The following C1RL variants were observed in gnomAD, a reference collection of about 807,000 sequenced individuals.
C1RL encodes the protein complement C1r subcomponent-like protein.
A neutral mutation model predicts 27.9 loss-of-function variants in C1RL; 27 were observed. The observed-to-expected ratio is 0.97, with a 90% confidence interval of 0.71 to 1.33. The LOEUF (loss-of-function observed/expected upper bound fraction) is 1.33. Ranked by LOEUF, C1RL falls within the 40% of genes most tolerant of loss-of-function variation. C1RL has a pLI of 0.00. For synonymous variants in C1RL, 248 were observed against 252.1 expected (o/e 0.98, Z 0.15); for missense variants, 563 against 623.9 (o/e 0.90, Z 1.04).
At chr12:7,101,279 C>T (rs1192546409) in intron 3 of C1RL, among the ~76,000 whole-genome samples, 2 of 148,530 alleles carry the variant, frequency 1.3e-5, no homozygotes, top group Non-Finnish European at 3.0e-5. Context: ...TCCTCTCTTC[C>T]TCTCTTTCTC....
At chr12:7,100,113 C>A (rs1938574784) in intron 3 of C1RL, 87 bp from the exon 4 acceptor site, 2 of 1,306,090 alleles carry the variant, frequency 1.5e-6, no homozygotes, top group Non-Finnish European at 2.1e-6. Flanking sequence ...GTTTGACTTG[C>A]ACAGTGTTTT....
chr12:7,097,195 A>G (rs755667513), intron 5 of C1RL, 32 bp from the exon 6 acceptor site: 1 of 1,561,856 alleles, frequency 6.4e-7, no homozygotes, highest in Admixed American at 1.8e-5. Context: ...GGTGACAGTC[A>G]GCAGCTGCAT....
chr12:7,105,052 G>T (rs931247783), intron 2 of C1RL, among the ~76,000 whole-genome samples: 1 of 152,138 alleles, frequency 6.6e-6, no homozygotes. Context: ...TTCTCAGCTT[G>T]TTGACCAGAA....
chr12:7,097,225 A>G, intron 5 of C1RL, 62 bp from the exon 6 acceptor site: 1 of 1,456,606 alleles, frequency 6.9e-7, no homozygotes, highest in Non-Finnish European at 9.2e-7. Flanking sequence ...CTGATTAAAG[A>G]CCTGCTTCTC....
rs759736325 is a variant in C1RL, at chr12:7,096,861, C to T, written c.994G>A (p.Glu332Lys). Reference sequence around the variant, plus strand: ...ATGTCCCCGCTAAAGTTATGGGACTCATTCTGACGGTAGTCGGGGTGCACA... The same window carrying T: ...ATGTCCCCGCTAAAGTTATGGGACTTATTCTGACGGTAGTCGGGGTGCACA... ...VVVHPDYRQN[E>K]SHNFSGDIAL... The change falls in exon 6 of 6, where the codon GAG becomes AAG. Residue 332 changes from glutamate to lysine, a missense_variant. By Grantham distance (56) the Glu-to-Lys change is moderately conservative. Coordinates refer to ENST00000266542, the MANE Select transcript of C1RL (RefSeq NM_016546.4). 1.9e-6 allele frequency: 3 copies of T among 1,601,314 alleles called. No individual in the cohort carries two copies. Among genetic ancestry groups the T allele is most frequent in the Non-Finnish European group, 1.7e-6 (2 of 1,172,590 alleles).
chr12:7,109,158 C>T lies in C1RL; in HGVS notation c.23G>A (p.Gly8Glu), dbSNP rs1258353937. ...GTGAGGGCTTCTCCAGAGATATTTC[C>T]CCCACACTCTGGGTCCAGGCATCTG... The part of the protein sequence containing the change: MPGPRVW[G>E]KYLWRSPHSK... The change falls in exon 1 of 6, where the codon GGG (glycine) becomes GAG (glutamate). Residue 8 changes from glycine (G) to glutamate (E), a missense_variant. Coordinates refer to ENST00000266542, the MANE Select transcript of C1RL (RefSeq NM_016546.4). 1.2e-6 allele frequency: 2 copies of T among 1,601,968 alleles called. No individual in the cohort carries two copies. The highest frequency in any genetic ancestry group is 2.2e-5 in the East Asian group (1 of 44,698).
intron 5 of C1RL, 140 bp from the exon 6 acceptor site, chr12:7,097,303 A>C: frequency 2.8e-6 from 2 of 726,740 alleles, no homozygotes; most frequent in Non-Finnish European, 4.2e-6. Flanking sequence ...TTTTTTTGAT[A>C]TCGAGTTTCG....
rs771490370 is a variant in C1RL, at chr12:7,096,833, G to C, written c.1022C>G (p.Ala341Gly). ...GATGCTGTGCTGCAGCTCCAGGAGG[G>C]CGATGTCCCCGCTAAAGTTATGGGA... is the stretch of plus-strand genomic sequence containing the variant. ...NESHNFSGDI[A>G]LLELQHSIPL... Residue 341 changes from alanine (A) to glycine (G), a missense_variant, in exon 6 of 6, where the codon GCC becomes GGC. Ala to Gly is a moderately conservative substitution (Grantham distance 60). Transcript: ENST00000266542. 2 of 1,604,402 alleles carry C rather than the reference G, an allele frequency of 1.2e-6. No homozygotes were observed. Among genetic ancestry groups the C allele is most frequent in the Non-Finnish European group, 1.7e-6 (2 of 1,174,484 alleles).
Position 7,094,801 on chromosome 12 carries a change from A to G in C1RL, c.*1590T>C, listed in dbSNP as rs1938379727. On this transcript the variant is annotated 3_prime_UTR_variant, in exon 6 of 6. Coordinates refer to ENST00000266542, the MANE Select transcript of C1RL (RefSeq NM_016546.4). ...ACTATGTTGCTTAGGCTGGACTTCA[A>G]CTCCTGGGCTCAAGCGATCCTCTTG... 5.2e-6 allele frequency: 5 copies of G among 953,760 alleles called. No individual in the cohort carries two copies. The African/African-American group carries it at 7.1e-5, about 14-fold the overall frequency. The allele number at this position is 953,760 out of a possible 1,614,324, so 59.1% of individuals were successfully genotyped here. A position where few individuals can be genotyped will look rare whatever the true frequency, so the allele number is the denominator to read the frequency against.
Position 7,097,044 on chromosome 12 carries a change from C to A in C1RL, c.811G>T (p.Ala271Ser), listed in dbSNP as rs751505196. The A allele has an allele frequency of 3.1e-6, 5 of 1,614,126 alleles. No individual in the cohort carries two copies. The highest frequency in any genetic ancestry group is 1.1e-5 in the South Asian group (1 of 91,090). ...FTSIHGRGGGALLGDRWILTA... is the reference protein window; with the variant it reads ...FTSIHGRGGGSLLGDRWILTA... ...AGGATCCATCTGTCCCCCAGCAGGG[C>A]CCCGCCCCCACGGCCGTGGATACTG... Residue 271 changes from alanine to serine, a missense_variant, in exon 6 of 6, where the codon GCC becomes TCC. Ala to Ser is a moderately conservative substitution (Grantham distance 99). Coordinates refer to ENST00000266542, the MANE Select transcript of C1RL (RefSeq NM_016546.4).
In C1RL at chr12:7,108,441, G is replaced by A. The variant is rs1938828800; in HGVS notation, c.110C>T (p.Pro37Leu). The A allele has an allele frequency of 2.5e-6, 4 of 1,611,050 alleles. No homozygotes were observed. The highest frequency in any genetic ancestry group is 3.4e-6 in the Non-Finnish European group (4 of 1,178,258). The stretch of plus-strand genomic sequence containing the variant: ...GGCCAAGAGGACGGAGCCCCGGGTT[G>A]GGCAAGCCTGGAGGACTCCCCAGAG... ...LLLWGVLQAC[P>L]TRGSVLLAQE... Residue 37 changes from proline to leucine, a missense_variant, in exon 2 of 6, where the codon CCA becomes CTA. Transcript: ENST00000266542.
rs1257154984 is a variant in C1RL at position 7,102,076 on chromosome 12, G to A, written c.312C>T (p.Val104=). 7.5e-6 allele frequency: 12 copies of A among 1,603,512 alleles called. No homozygotes were observed. Among genetic ancestry groups the A allele is most frequent in the East Asian group, 2.2e-5 (1 of 44,576 alleles). Reference sequence around the variant, plus strand: ...CACAGAACTGGCTTGGATCCGAACCGACGAATGAGATCTGAAAGCGGGAGG... The same window carrying A: ...CACAGAACTGGCTTGGATCCGAACCAACGAATGAGATCTGAAAGCGGGAGG... ...CAGDSVTISF[V]GSDPSQFCGQ... is the part of the protein sequence containing the mutation. Residue 104 remains valine, a synonymous_variant, in exon 3 of 6, where the codon GTC becomes GTT. Transcript: ENST00000266542.
chr12:7,096,878 G>T lies in C1RL; in HGVS notation c.977C>A (p.Pro326His). ...NHPVHRVVVH[P>H]DYRQNESHNF... ...ATGGGACTCATTCTGACGGTAGTCG[G>T]GGTGCACAACGACACGGTGGACAGG... is the stretch of plus-strand genomic sequence containing the variant. The change falls in exon 6 of 6, where the codon CCC (proline) becomes CAC (histidine). Residue 326 changes from proline to histidine, a missense_variant. By Grantham distance (77) the Pro-to-His change is moderately conservative. Coordinates refer to ENST00000266542, the MANE Select transcript of C1RL (RefSeq NM_016546.4). The T allele has an allele frequency of 6.3e-7, 1 of 1,599,510 alleles. No homozygotes were observed. Among genetic ancestry groups the T allele is most frequent in the Non-Finnish European group, 8.5e-7 (1 of 1,171,446 alleles).
rs371455511 is a variant in C1RL, at chr12:7,096,466, G to A, written c.1389C>T (p.Gly463=). Residue 463 remains glycine (G), a synonymous_variant, in exon 6 of 6, where the codon GGC becomes GGT. Transcript: ENST00000266542. ...CCTTGGTGTAGAAGTCATACCCTTC[G>A]CCACACCCTATGCCCCAGGACACAA... ...TGIVSWGIGC[G]EGYDFYTKVL... 2.6e-5 allele frequency: 42 copies of A among 1,613,800 alleles called. No individual in the cohort carries two copies. Among genetic ancestry groups the A allele is most frequent in the South Asian group, 3.3e-5 (3 of 91,076 alleles).
In C1RL at chr12:7,101,880, C is replaced by T. The variant is rs377634122; in HGVS notation, c.490+18G>A. On this transcript the variant is annotated intron_variant, in intron 3 of 5. Transcript: ENST00000266542. ...GGAACAGAGGCTCCCTCCCTGCACC[C>T]CCAGGAGGGACACTCACCCACGGTT... 2.3e-4 allele frequency: 371 copies of T among 1,610,654 alleles called. No individual in the cohort carries two copies. Among genetic ancestry groups the T allele is most frequent in the Non-Finnish European group, 3.0e-4 (355 of 1,177,010 alleles).
At chr12:7,102,139 G>C (rs370391214) in intron 2 of C1RL, 52 bp from the exon 3 acceptor site, 1 of 1,541,768 alleles carries the variant, frequency 6.5e-7, no homozygotes, top group Non-Finnish European at 8.9e-7. Flanking sequence ...GTGAATCCGC[G>C]CTGCTGGCAT....
Position 7,095,086 on chromosome 12 carries a change from T to C in C1RL, c.*1305A>G. ...TCTATTTCCATTGAACAGTTGTATT[T>C]TATTTGTGTCTTTCACTGTAAATCA... is the stretch of plus-strand genomic sequence containing the variant. On this transcript the variant is annotated 3_prime_UTR_variant, in exon 6 of 6. Coordinates refer to ENST00000266542, the MANE Select transcript of C1RL (RefSeq NM_016546.4). 1 of 1,208,528 alleles carries C rather than the reference T, an allele frequency of 8.3e-7. No individual in the cohort carries two copies. The highest frequency in any genetic ancestry group is 1.0e-6 in the Non-Finnish European group (1 of 957,716). 74.9% of individuals were successfully genotyped at this position (1,208,528 alleles called of 1,614,324 possible). A position where few individuals can be genotyped will look rare whatever the true frequency, so the allele number is the denominator to read the frequency against.
At chr12:7,101,282 T>G (rs12367296) in intron 3 of C1RL, among the ~76,000 whole-genome samples, 25,995 of 145,552 alleles carry the variant, frequency 0.18, 2,592 homozygotes, top group East Asian at 0.44. Flanking sequence ...TCTCTTCCTC[T>G]CTTTCTCTCT....
Position 7,095,130 on chromosome 12 carries a change from T to TG in C1RL, c.*1260dup, listed in dbSNP as rs938172239. 3.4e-5 allele frequency: 42 copies of TG among 1,235,812 alleles called. No individual in the cohort carries two copies. The highest frequency in any genetic ancestry group is 2.6e-4 in the African/African-American group (16 of 62,314). The allele number at this position is 1,235,812 out of a possible 1,614,324, so 76.6% of individuals were successfully genotyped here. ...TAAATCACCTCCAATCTTTTTTTTT[T>TG]GGGGGGGATGAAGTCTTGGTCTGTC... On this transcript the variant is annotated 3_prime_UTR_variant, in exon 6 of 6. Coordinates refer to ENST00000266542, the MANE Select transcript of C1RL (RefSeq NM_016546.4).
Sources: allele counts gnomAD v4.1 joint callset (sites outside exome capture counted in the v4.1 genomes callset), GRCh38; gene constraint gnomAD v4.1.1; transcripts MANE v1.5; gene names NCBI Gene and HGNC (gene_info 2026-07-23, HGNC 2026-07-21).